The following ENTREP2 variants were observed in gnomAD, a reference collection of about 807,000 sequenced individuals.
ENTREP2 encodes the protein endosomal transmembrane epsin interactor 2.
the ENTREP2 span, among the ~76,000 whole-genome samples, chr15:29,129,271 G>C: frequency 6.6e-6 from 1 of 152,022 alleles, no homozygotes; most frequent in African/African-American, 2.4e-5. Flanking sequence ...TGCCATCTTG[G>C]CCAGGCTGGT....
chr15:29,178,581 C>T, the ENTREP2 span, among the ~76,000 whole-genome samples: 9 of 152,116 alleles, frequency 5.9e-5, no homozygotes, highest in Admixed American at 5.9e-4. Context: ...TCAGCTCGTC[C>T]CACAGTGAGA....
At chr15:29,588,994 A>G in the ENTREP2 span, among the ~76,000 whole-genome samples, 1 of 151,820 alleles carries the variant, frequency 6.6e-6, no homozygotes, top group Non-Finnish European at 1.5e-5. Context: ...TGTCTCAGAA[A>G]AAAAAAAAAA....
chr15:29,497,082 A>G, the ENTREP2 span, among the ~76,000 whole-genome samples: 1 of 152,136 alleles, frequency 6.6e-6, no homozygotes, highest in Non-Finnish European at 1.5e-5. Flanking sequence ...CTGATTATAA[A>G]AGGGCTTGAA....
chr15:29,396,352 G>A, the ENTREP2 span, among the ~76,000 whole-genome samples: 3 of 151,360 alleles, frequency 2.0e-5, no homozygotes, highest in Admixed American at 1.3e-4. Context: ...GGACAAGTGA[G>A]ATTATTCAGT....
the ENTREP2 span, among the ~76,000 whole-genome samples, chr15:29,607,823 G>GATAGATAGATAGATAT: frequency 6.9e-6 from 1 of 144,122 alleles, no homozygotes; most frequent in African/African-American, 2.8e-5. Context: ...TAGATAGATA[G>GATAGATAGATAGATAT]ATAGACAGAC....
chr15:29,284,478 A>G, the ENTREP2 span, among the ~76,000 whole-genome samples: 1 of 149,296 alleles, frequency 6.7e-6, no homozygotes, highest in Admixed American at 6.8e-5. Context: ...AATCGCTTGA[A>G]CCCAGGAGGC....
the ENTREP2 span, among the ~76,000 whole-genome samples, chr15:29,338,583 C>T: frequency 6.6e-6 from 1 of 151,902 alleles, no homozygotes; most frequent in Non-Finnish European, 1.5e-5. Flanking sequence ...CTCTTTGTGT[C>T]GCCTCCATAG....
chr15:29,526,050 T>A, the ENTREP2 span, among the ~76,000 whole-genome samples: 347 of 152,306 alleles, frequency 2.3e-3, 2 homozygotes, highest in African/African-American at 7.8e-3. Flanking sequence ...TTCCAATGGG[T>A]AGATTTAATA....
the ENTREP2 span, among the ~76,000 whole-genome samples, chr15:29,317,158 C>G: frequency 6.6e-6 from 1 of 152,202 alleles, no homozygotes; most frequent in Non-Finnish European, 1.5e-5. Context: ...AATTTATGCC[C>G]AAATGTATTC....
the ENTREP2 span, among the ~76,000 whole-genome samples, chr15:29,657,258 AC>A: frequency 2.7e-5 from 4 of 149,778 alleles, no homozygotes; most frequent in African/African-American, 9.9e-5. Flanking sequence ...ACAGGGTTTC[AC>A]CGTATTAGCC....
chr15:29,279,496 C>G, the ENTREP2 span, among the ~76,000 whole-genome samples: 1 of 152,032 alleles, frequency 6.6e-6, no homozygotes, highest in Admixed American at 6.6e-5. Context: ...TCCTGAGTAG[C>G]TGGGACTACA....
the ENTREP2 span, among the ~76,000 whole-genome samples, chr15:29,148,611 TTTA>T: frequency 6.6e-6 from 1 of 152,204 alleles, no homozygotes. Context: ...TTTTGTTATT[TTTA>T]TTGTGTTTTT....
the ENTREP2 span, among the ~76,000 whole-genome samples, chr15:29,442,718 C>T: frequency 6.6e-6 from 1 of 152,166 alleles, no homozygotes; most frequent in Non-Finnish European, 1.5e-5. Flanking sequence ...GTCCCCGTGC[C>T]CCCCGACCTG....
the ENTREP2 span, among the ~76,000 whole-genome samples, chr15:29,185,406 C>A: frequency 6.6e-6 from 1 of 152,216 alleles, no homozygotes. Context: ...GTCATGAAAA[C>A]TTCCAACAGC....
the ENTREP2 span, among the ~76,000 whole-genome samples, chr15:29,281,502 C>T: frequency 1.3e-5 from 2 of 152,152 alleles, no homozygotes; most frequent in Non-Finnish European, 2.9e-5. Context: ...GACCCCCATA[C>T]CAGACATCTG....
chr15:29,220,037 G>T, the ENTREP2 span, among the ~76,000 whole-genome samples: 1 of 152,122 alleles, frequency 6.6e-6, no homozygotes, highest in Non-Finnish European at 1.5e-5. Flanking sequence ...AAATAAAAAA[G>T]AAAATTGGAA....
At chr15:29,418,994 A>T in the ENTREP2 span, among the ~76,000 whole-genome samples, 1 of 152,368 alleles carries the variant, frequency 6.6e-6, no homozygotes, top group Middle Eastern at 3.4e-3. Context: ...CCTCAAAATA[A>T]AAATTGTAAT....
the ENTREP2 span, among the ~76,000 whole-genome samples, chr15:29,543,188 A>G: frequency 6.6e-6 from 1 of 152,208 alleles, no homozygotes; most frequent in Non-Finnish European, 1.5e-5. Flanking sequence ...AACAGGAGGT[A>G]AGAGCAGGCT....
At chr15:29,520,901 T>C in the ENTREP2 span, among the ~76,000 whole-genome samples, 2 of 152,106 alleles carry the variant, frequency 1.3e-5, no homozygotes, top group Non-Finnish European at 2.9e-5. Flanking sequence ...CAAACTACTG[T>C]AGAGAAAGAT....
Sources: allele counts gnomAD v4.1 joint callset (sites outside exome capture counted in the v4.1 genomes callset), GRCh38; gene constraint gnomAD v4.1.1; transcripts MANE v1.5; gene names NCBI Gene and HGNC (gene_info 2026-07-23, HGNC 2026-07-21).